The following CWH43 variants were observed in gnomAD, a reference collection of about 807,000 sequenced individuals.
CWH43 encodes PGAP2-interacting protein.
A neutral mutation model predicts 85.7 loss-of-function variants in CWH43; 91 were observed. The ratio of observed to expected loss-of-function variants is 1.06; its 90% CI spans 0.90 to 1.26. The LOEUF (loss-of-function observed/expected upper bound fraction) is 1.26. Ranked by LOEUF, CWH43 falls within the 50% of genes most tolerant of loss-of-function variation. The probability of loss-of-function intolerance (pLI) is 0.00; values close to 1 mark genes in which losing one functional copy is unlikely to be tolerated. For missense variants in CWH43, 869 were observed against 839.2 expected (o/e 1.04, Z -0.44); for synonymous variants, 323 against 293.6 (o/e 1.10, Z -1.02).
Position 48,998,550 on chromosome 4 carries a change from T to C in CWH43, c.802+2T>C, listed in dbSNP as rs900406410. 4 of 1,609,944 alleles carry C rather than the reference T, an allele frequency of 2.5e-6. No homozygotes were observed. The African/African-American group carries it at 4.0e-5, about 16-fold the overall frequency. On this transcript the variant is annotated splice_donor_variant, in intron 6 of 15. Transcript: ENST00000226432. LOFTEE classifies it high-confidence loss of function. ...CTGGTTTGATCTGGTGGGTTACAGGTATGTGGAATTTACCTGCAGATAGAA... is the reference window on the plus strand; with the variant it reads ...CTGGTTTGATCTGGTGGGTTACAGGCATGTGGAATTTACCTGCAGATAGAA...
At chr4:49,061,194 G>C (rs777969372) in intron 15 of CWH43, among the ~76,000 whole-genome samples, 1 of 152,100 alleles carries the variant, frequency 6.6e-6, no homozygotes, top group Non-Finnish European at 1.5e-5. Flanking sequence ...AGAATCAAAG[G>C]TGATGTTAAA....
At chr4:49,022,458 A>G (rs568491631) in intron 9 of CWH43, among the ~76,000 whole-genome samples, 1 of 152,164 alleles carries the variant, frequency 6.6e-6, no homozygotes, top group South Asian at 2.1e-4. Context: ...TGCTAGTATT[A>G]TGTTGAGGAT....
intron 15 of CWH43, among the ~76,000 whole-genome samples, chr4:49,056,262 A>G (rs531653620): frequency 3.3e-5 from 5 of 152,122 alleles, no homozygotes; most frequent in African/African-American, 1.2e-4. Context: ...TTTTCTTTAG[A>G]TGTTTTGTAG....
At chr4:49,029,677 C>T (rs1382617123) in intron 10 of CWH43, among the ~76,000 whole-genome samples, 1 of 152,206 alleles carries the variant, frequency 6.6e-6, no homozygotes, top group African/African-American at 2.4e-5. Context: ...GAGAAAACCG[C>T]CCTGTGGCTG....
At chr4:49,020,416 C>CACACACGCACACATAT in intron 9 of CWH43, among the ~76,000 whole-genome samples, 1 of 128,394 alleles carries the variant, frequency 7.8e-6, no homozygotes, top group Middle Eastern at 4.4e-3. Flanking sequence ...CACACACACA[C>CACACACGCACACATAT]ATATATATAT....
In CWH43 at chr4:49,039,306, G is replaced by GAGATATATATATATATATATATAT. The variant is rs1553916914; in HGVS notation, c.1803+1127_1803+1128insGATATATATATATATATATATATA. Among the ~76,000 whole-genome samples the GAGATATATATATATATATATATAT allele has an allele frequency of 4.3e-3, 20 of 4,602 alleles. 3 individuals carry two copies. Among genetic ancestry groups the GAGATATATATATATATATATATAT allele is most frequent in the African/African-American group, 8.1e-3 (19 of 2,338 alleles). The allele number at this position is 4,602 out of a possible 152,430, so 3.0% of individuals were successfully genotyped here. A position where few individuals can be genotyped will look rare whatever the true frequency, so the allele number is the denominator to read the frequency against. On this transcript the variant is annotated intron_variant, in intron 13 of 15. Transcript: ENST00000226432. ...ACACAAATCAAATTCTCAGGAGACT[G>GAGATATATATATATATATATATAT]ATATATATATATATATATATATATA...
At chr4:49,058,954 T>C (rs1035682370) in intron 15 of CWH43, among the ~76,000 whole-genome samples, 3 of 152,176 alleles carry the variant, frequency 2.0e-5, no homozygotes, top group African/African-American at 7.2e-5. Context: ...ACTCTCTTTA[T>C]ATTTAATATA....
chr4:49,057,275 A>G (rs1784997853), intron 15 of CWH43, among the ~76,000 whole-genome samples: 1 of 152,222 alleles, frequency 6.6e-6, no homozygotes, highest in Non-Finnish European at 1.5e-5. Flanking sequence ...ATCAACATAC[A>G]TAAGATGAAC....
Position 49,061,889 on chromosome 4 carries a change from GA to G in CWH43, c.*2del. On this transcript the variant is annotated frameshift_variant and stop_lost, in exon 16 of 16. Coordinates refer to ENST00000226432, the MANE Select transcript of CWH43 (RefSeq NM_025087.3). LOFTEE classifies it high-confidence loss of function. ...ATGAATACTCCCAAATACTTTTTAT[GA>G]AACATTTAAAACAAGAAGTTATTGG... ...FHMNTPKYFL[*>X] 7.4e-7 allele frequency: 1 copy of G among 1,359,208 alleles called. No homozygotes were observed. The highest frequency in any genetic ancestry group is 9.8e-7 in the Non-Finnish European group (1 of 1,024,236). 84.2% of individuals were successfully genotyped at this position (1,359,208 alleles called of 1,614,324 possible). A position where few individuals can be genotyped will look rare whatever the true frequency, so the allele number is the denominator to read the frequency against.
intron 7 of CWH43, among the ~76,000 whole-genome samples, chr4:49,006,228 T>C (rs991620164): frequency 6.6e-6 from 1 of 152,192 alleles, no homozygotes; most frequent in African/African-American, 2.4e-5. Context: ...TGCATGAGTT[T>C]GTTTCTTTAG....
intron 9 of CWH43, among the ~76,000 whole-genome samples, chr4:49,023,661 G>A (rs1320538621): frequency 6.6e-6 from 1 of 152,216 alleles, no homozygotes; most frequent in Non-Finnish European, 1.5e-5. Flanking sequence ...ACAGGCATGA[G>A]CCACTGCACC....
At chr4:49,058,666 C>A (rs577860253) in intron 15 of CWH43, among the ~76,000 whole-genome samples, 1 of 152,312 alleles carries the variant, frequency 6.6e-6, no homozygotes, top group South Asian at 2.1e-4. Context: ...ATGATGAACT[C>A]CTGCAGCTTT....
At chr4:49,029,928 G>C (rs1784041383) in intron 10 of CWH43, among the ~76,000 whole-genome samples, 1 of 152,180 alleles carries the variant, frequency 6.6e-6, no homozygotes, top group Non-Finnish European at 1.5e-5. Flanking sequence ...AATAAATACA[G>C]AGGGAACTCA....
At chr4:49,040,844 C>G (rs1050096605) in intron 13 of CWH43, among the ~76,000 whole-genome samples, 2 of 152,132 alleles carry the variant, frequency 1.3e-5, no homozygotes, top group Admixed American at 1.3e-4. Flanking sequence ...ATGGTATTGC[C>G]TAGGTTTTCT....
chr4:49,010,919 G>T (rs1470166731), intron 8 of CWH43, among the ~76,000 whole-genome samples: 2 of 152,170 alleles, frequency 1.3e-5, no homozygotes, highest in Admixed American at 1.3e-4. Flanking sequence ...TTTGGAATAA[G>T]TGTGATGTGG....
chr4:48,990,972 A>G (rs909368415), intron 2 of CWH43, among the ~76,000 whole-genome samples: 1 of 152,244 alleles, frequency 6.6e-6, no homozygotes, highest in African/African-American at 2.4e-5. Context: ...ACACTGATAC[A>G]TGCTACAACC....
chr4:49,025,159 G>A lies in CWH43; in HGVS notation c.1267-3470G>A, dbSNP rs144524992. ...AATTCTATTGCTGAGATTTTCCAGT[G>A]CATTTTGCCCTTCTCTAAGCGTGTC... On this transcript the variant is annotated intron_variant, in intron 9 of 15. Coordinates refer to ENST00000226432, the MANE Select transcript of CWH43 (RefSeq NM_025087.3). Among the ~76,000 whole-genome samples, 1,469 of 151,948 alleles carry A rather than the reference G, an allele frequency of 9.7e-3. 17 individuals carry two copies. Among genetic ancestry groups the A allele is most frequent in the African/African-American group, 0.029 (1,221 of 41,460 alleles).
intron 8 of CWH43, among the ~76,000 whole-genome samples, chr4:49,015,807 T>A (rs1231649325): frequency 6.6e-6 from 1 of 152,148 alleles, no homozygotes; most frequent in Non-Finnish European, 1.5e-5. Flanking sequence ...GAGTTTCTAA[T>A]TTCAATTATT....
At chr4:49,034,924 G>T (rs1472792617) in intron 12 of CWH43, among the ~76,000 whole-genome samples, 1 of 152,100 alleles carries the variant, frequency 6.6e-6, no homozygotes, top group Non-Finnish European at 1.5e-5. Flanking sequence ...TGAATATAAG[G>T]TATATTGGGC....
Sources: allele counts gnomAD v4.1 joint callset (sites outside exome capture counted in the v4.1 genomes callset), GRCh38; gene constraint gnomAD v4.1.1; transcripts MANE v1.5; gene names NCBI Gene and HGNC (gene_info 2026-07-23, HGNC 2026-07-21).